The following FAAH2 variants were observed in gnomAD, a reference collection of about 807,000 sequenced individuals.
FAAH2 encodes the protein fatty-acid amide hydrolase 2.
Under a neutral mutation model 36.9 loss-of-function variants are expected in FAAH2, and 60 were observed. The observed-to-expected ratio is 1.63, with a 90% CI of 1.32 to 2.02. The LOEUF is 2.02. Ranked by LOEUF, FAAH2 falls within the 30% of genes most tolerant of loss-of-function variation. The pLI is 0.00. For missense variants in FAAH2, 689 were observed against 397.5 expected (o/e 1.73, Z -6.23); for synonymous variants, 214 against 143.8 (o/e 1.49, Z -3.49).
At chrX:57,442,257 G>A (rs2056575644) in intron 8 of FAAH2, among the ~76,000 whole-genome samples, 1 of 111,095 alleles carries the variant, frequency 9.0e-6, no homozygotes, top group Non-Finnish European at 1.9e-5. Flanking sequence ...TCTCTTTGTA[G>A]GCCTCTAATG....
the FAAH2 span, among the ~76,000 whole-genome samples, chrX:57,238,594 T>C: frequency 9.0e-6 from 1 of 111,494 alleles, no homozygotes; most frequent in African/African-American, 3.3e-5. Flanking sequence ...AGATTACCTG[T>C]ATAACAAACC....
chrX:57,126,704 G>A, the FAAH2 span, among the ~76,000 whole-genome samples: 1 of 111,458 alleles, frequency 9.0e-6, no homozygotes, highest in African/African-American at 3.3e-5. Context: ...CACTTTAAAA[G>A]GTTAGTCTAA....
At chrX:57,485,304 C>T (rs2057455341) in intron 10 of FAAH2, among the ~76,000 whole-genome samples, 1 of 111,368 alleles carries the variant, frequency 9.0e-6, no homozygotes, top group Non-Finnish European at 1.9e-5. Context: ...AAATGGTTGG[C>T]AGCAATCTGT....
the FAAH2 span, among the ~76,000 whole-genome samples, chrX:57,232,982 G>A: frequency 8.9e-6 from 1 of 112,272 alleles, no homozygotes; most frequent in Non-Finnish European, 1.9e-5. Flanking sequence ...TGAAGTCTTA[G>A]TAATTTTGTG....
intron 7 of FAAH2, among the ~76,000 whole-genome samples, chrX:57,418,252 A>G (rs990369369): frequency 9.0e-6 from 1 of 111,102 alleles, no homozygotes; most frequent in African/African-American, 3.3e-5. Context: ...CTGTTTTCCT[A>G]GTGTTCCAGG....
chrX:57,291,910 C>T (rs2051996441), intron 1 of FAAH2, among the ~76,000 whole-genome samples: 1 of 111,308 alleles, frequency 9.0e-6, no homozygotes, highest in Non-Finnish European at 1.9e-5. Context: ...ATATGCTTAG[C>T]TAAATTTAAA....
chrX:57,419,890 T>C (rs1446870091), intron 7 of FAAH2, among the ~76,000 whole-genome samples: 1 of 111,930 alleles, frequency 8.9e-6, no homozygotes, highest in African/African-American at 3.2e-5. Context: ...TGAATTGATT[T>C]TTGTATAAGG....
At chrX:57,380,732 T>C (rs1034715893) in intron 6 of FAAH2, among the ~76,000 whole-genome samples, 180 bp from the exon 7 acceptor site, 5 of 112,188 alleles carry the variant, frequency 4.5e-5, no homozygotes, top group Non-Finnish European at 7.5e-5. Flanking sequence ...ATTCTCTCCC[T>C]TGCAGCTCAA....
intron 8 of FAAH2, among the ~76,000 whole-genome samples, chrX:57,446,603 G>T (rs901071965): frequency 1.8e-5 from 2 of 111,811 alleles, no homozygotes; most frequent in African/African-American, 6.5e-5. Flanking sequence ...ATAGCCTTAA[G>T]TAACCAAGAA....
At chrX:57,468,635 AACTG>A (rs2057096786) in intron 10 of FAAH2, among the ~76,000 whole-genome samples, 1 of 112,090 alleles carries the variant, frequency 8.9e-6, no homozygotes, top group African/African-American at 3.2e-5. Flanking sequence ...GTGTACCTGA[AACTG>A]ACGGGGAGAA....
At chrX:57,190,286 G>A in the FAAH2 span, among the ~76,000 whole-genome samples, 7 of 109,980 alleles carry the variant, frequency 6.4e-5, no homozygotes, top group Non-Finnish European at 1.1e-4. Flanking sequence ...TCAGACTGCT[G>A]TGCTGGCAAT....
chrX:57,125,890 A>G, the FAAH2 span, among the ~76,000 whole-genome samples: 8 of 112,204 alleles, frequency 7.1e-5, no homozygotes, highest in African/African-American at 2.3e-4. Flanking sequence ...GTGTTTAACT[A>G]TTTGTAATGA....
chrX:57,360,746 G>A (rs2054267908), intron 5 of FAAH2, among the ~76,000 whole-genome samples: 1 of 110,928 alleles, frequency 9.0e-6, no homozygotes, highest in Non-Finnish European at 1.9e-5. Context: ...TGCCATGGTG[G>A]TTTGCTGCAC....
intron 10 of FAAH2, among the ~76,000 whole-genome samples, chrX:57,485,615 C>T (rs2057460277): frequency 9.0e-6 from 1 of 111,447 alleles, no homozygotes; most frequent in Non-Finnish European, 1.9e-5. Flanking sequence ...ATTCTCAGAC[C>T]TTCTTCATTA....
chrX:57,471,503 G>C (rs1405682495), intron 10 of FAAH2, among the ~76,000 whole-genome samples: 1 of 111,635 alleles, frequency 9.0e-6, no homozygotes, highest in East Asian at 2.8e-4. Flanking sequence ...TTGCTTCAAA[G>C]AGAATAAAAT....
intron 7 of FAAH2, among the ~76,000 whole-genome samples, chrX:57,382,101 G>GA (rs1171131698): frequency 5.4e-5 from 6 of 111,236 alleles, no homozygotes; most frequent in South Asian, 3.8e-4. Context: ...AATGAAGGCA[G>GA]AAAAAAAGAT....
In FAAH2 at chrX:57,373,412, G is replaced by A. The variant is rs748381184; in HGVS notation, c.743-5239G>A. 3.8e-5 allele frequency among the ~76,000 whole-genome samples: 4 copies of A among 106,397 alleles called. 1 individual carries two copies. The East Asian group carries it at 1.2e-3, about 31-fold the overall frequency. The allele number at this position is 106,397 out of a possible 115,157, so 92.4% of individuals were successfully genotyped here. A position where few individuals can be genotyped will look rare whatever the true frequency, so the allele number is the denominator to read the frequency against. ...ATCTTTTTTTTTTTTATTTGATTAT[G>A]GCCATTCTTGCAGGAGTAAGGTGGT... On this transcript the variant is annotated intron_variant, in intron 5 of 10. Transcript: ENST00000374900.
At chrX:57,398,414 T>C (rs1176274138) in intron 7 of FAAH2, among the ~76,000 whole-genome samples, 2 of 112,378 alleles carry the variant, frequency 1.8e-5, no homozygotes, top group Non-Finnish European at 3.8e-5. Flanking sequence ...AATCAGGAAA[T>C]GTTTCCTGAA....
intron 5 of FAAH2, among the ~76,000 whole-genome samples, chrX:57,353,252 T>A (rs2054071731): frequency 9.1e-6 from 1 of 109,339 alleles, no homozygotes. Context: ...AACAGATGCA[T>A]AGGTCAATGG....
Sources: gnomAD v4.1 joint callset for allele counts (sites outside exome capture counted in the v4.1 genomes callset) on GRCh38, gnomAD v4.1.1 for gene constraint, MANE v1.5 for transcripts, NCBI Gene and HGNC (gene_info 2026-07-23, HGNC 2026-07-21) for gene names.